The following F11 variants were observed in gnomAD, a reference collection of about 807,000 sequenced individuals.
F11 encodes coagualtion factor XI.
A neutral mutation model predicts 76.5 loss-of-function variants in F11; 78 were observed. The ratio of observed to expected loss-of-function variants is 1.02; its 90% confidence interval spans 0.85 to 1.23. The LOEUF (loss-of-function observed/expected upper bound fraction) is 1.23, where lower values mean the gene tolerates loss of function less well. F11 is among the 50% of genes most tolerant of loss of function. The probability of loss-of-function intolerance (pLI) is 0.00; values close to 1 mark genes in which losing one functional copy is unlikely to be tolerated. For synonymous variants in F11, 278 were observed against 276.3 expected (o/e 1.01, Z -0.06); for missense variants, 742 against 771.4 (o/e 0.96, Z 0.45).
At position 186,285,813 on chromosome 4, in the gene F11, G is replaced by A. The variant is rs763532551; in HGVS notation, c.1480G>A (p.Asp494Asn). The stretch of plus-strand genomic sequence containing the variant: ...ACTGGAAACCACAGTGAATTACACA[G>A]GTACGGAGAATTTTATCCGGAAAGT... ...LKLETTVNYTDSQRPICLPSK... is the reference protein window; with the variant it reads ...LKLETTVNYTNSQRPICLPSK... Residue 494 changes from aspartate (D) to asparagine (N), a missense_variant and splice_region_variant, in exon 12 of 15, where the codon GAT (aspartate) becomes AAT (asparagine). Coordinates refer to ENST00000403665, the MANE Select transcript of F11 (RefSeq NM_000128.4). 6.2e-7 allele frequency: 1 copy of A among 1,614,132 alleles called. No individual in the cohort carries two copies. Among genetic ancestry groups the A allele is most frequent in the Non-Finnish European group, 8.5e-7 (1 of 1,180,014 alleles).
chr4:186,290,464 C>T (rs887107490), downstream of F11, among the ~76,000 whole-genome samples: 1 of 152,122 alleles, frequency 6.6e-6, no homozygotes, highest in African/African-American at 2.4e-5. Context: ...TGCTTATTAC[C>T]TTAGTAGACT....
chr4:186,275,049 C>A, intron 5 of F11: 2 of 349,058 alleles, frequency 5.7e-6, no homozygotes, highest in South Asian at 4.5e-5. Flanking sequence ...AACACACACA[C>A]CAAACCCCTA....
At chr4:186,266,567 T>C (rs1739514263) in intron 1 of F11, among the ~76,000 whole-genome samples, 1 of 152,122 alleles carries the variant, frequency 6.6e-6, no homozygotes, top group Non-Finnish European at 1.5e-5. Context: ...AAATCAGAAG[T>C]CTTGATTTGT....
intron 10 of F11, among the ~76,000 whole-genome samples, 200 bp downstream of exon 10, chr4:186,280,780 A>G (rs1412182956): frequency 1.3e-5 from 2 of 152,124 alleles, no homozygotes; most frequent in Admixed American, 1.3e-4. Context: ...ACTAAACTGT[A>G]CATTGCCTAG....
chr4:186,282,919 A>G (rs1273675445), intron 10 of F11: 1 of 985,308 alleles, frequency 1.0e-6, no homozygotes, highest in East Asian at 1.1e-4. Flanking sequence ...AAAAAGGCCT[A>G]GAAAGGTTGT....
At chr4:186,286,028 T>C (rs1295169762) in intron 12 of F11, 2 of 613,840 alleles carry the variant, frequency 3.3e-6, no homozygotes, top group Non-Finnish European at 2.9e-6. Context: ...GAGATACGTT[T>C]TCCTGAGTCT....
chr4:186,285,833 G>T lies in F11; in HGVS notation c.1480+20G>T. 2 of 1,613,834 alleles carry T rather than the reference G, an allele frequency of 1.2e-6. No homozygotes were observed. The highest frequency in any genetic ancestry group is 1.7e-6 in the Non-Finnish European group (2 of 1,179,742). ...ACACAGGTACGGAGAATTTTATCCG[G>T]AAAGTTGTCTCCAATGGTGAACTGG... is the stretch of plus-strand genomic sequence containing the variant. On this transcript the variant is annotated intron_variant, in intron 12 of 14. Transcript: ENST00000403665.
chr4:186,275,256 C>G (rs759319991), intron 5 of F11: 1 of 446,896 alleles, frequency 2.2e-6, no homozygotes, highest in Non-Finnish European at 4.5e-6. Context: ...TTTGGGAGGC[C>G]GAGGCGGGCA....
chr4:186,280,008 T>A lies in F11; in HGVS notation c.756-4T>A. ...TATTTCTACTTCCCTTTTGTTTTTG[T>A]TAGAAATCTTTGTCTCCTTAAAACA... On this transcript the variant is annotated splice_region_variant and splice_polypyrimidine_tract_variant and intron_variant, in intron 7 of 14. Transcript: ENST00000403665. The A allele has an allele frequency of 6.2e-7, 1 of 1,607,566 alleles. No individual in the cohort carries two copies. Among genetic ancestry groups the A allele is most frequent in the Non-Finnish European group, 8.5e-7 (1 of 1,174,010 alleles).
intron 7 of F11, 129 bp from the exon 8 acceptor site, chr4:186,279,883 T>C: frequency 1.3e-6 from 1 of 757,176 alleles, no homozygotes; most frequent in South Asian, 1.5e-5. Flanking sequence ...TTATGAAGAG[T>C]ACTTTCAAAA....
Position 186,287,666 on chromosome 4 carries a change from CA to C in F11, c.1577-11del, listed in dbSNP as rs776438459. 1.3e-5 allele frequency: 20 copies of C among 1,598,754 alleles called. No homozygotes were observed. Among genetic ancestry groups the C allele is most frequent in the Admixed American group, 3.4e-5 (2 of 59,458 alleles). On this transcript the variant is annotated splice_polypyrimidine_tract_variant and intron_variant, in intron 13 of 14. Coordinates refer to ENST00000403665, the MANE Select transcript of F11 (RefSeq NM_000128.4). ...GTGTATGGTTATTCTACAAACGAAC[CA>C]AAAAAATTTTTTTCAGACAAAATAC...
At chr4:186,287,978 C>G (rs896996653) in intron 14 of F11, among the ~76,000 whole-genome samples, 155 bp downstream of exon 14, 1 of 151,780 alleles carries the variant, frequency 6.6e-6, no homozygotes, top group Non-Finnish European at 1.5e-5. Flanking sequence ...GATCTCAGCT[C>G]ACTGCAAGCT....
intron 4 of F11, among the ~76,000 whole-genome samples, chr4:186,273,883 G>T (rs1280616502): frequency 6.6e-6 from 1 of 152,210 alleles, no homozygotes; most frequent in Non-Finnish European, 1.5e-5. Context: ...GAGAGGCTAG[G>T]TCAGAAAATC....
At chr4:186,267,389 G>C (rs972544837) in intron 2 of F11, among the ~76,000 whole-genome samples, 198 bp downstream of exon 2, 5 of 152,204 alleles carry the variant, frequency 3.3e-5, no homozygotes, top group Non-Finnish European at 5.9e-5. Context: ...GTAGGAATCT[G>C]TGTCTATATG....
chr4:186,284,239 C>T lies in F11; in HGVS notation c.1283C>T (p.Thr428Ile), dbSNP rs1554083516. ...ATCATTGGAAACCAGTGGATATTAA[C>T]AGCCGCTCACTGTTTCTATGGGTCA... is the stretch of plus-strand genomic sequence containing the variant. Reference protein sequence around the residue: ...GSIIGNQWILTAAHCFYGVES... With the variant: ...GSIIGNQWILIAAHCFYGVES... The change falls in exon 11 of 15, where the codon ACA becomes ATA. Residue 428 changes from threonine (T) to isoleucine (I), a missense_variant. Thr to Ile is a moderately conservative substitution (Grantham distance 89). Transcript: ENST00000403665. 4 of 1,614,196 alleles carry T rather than the reference C, an allele frequency of 2.5e-6. No homozygotes were observed. In the South Asian group the frequency reaches 4.4e-5, roughly 18 times the overall value.
Position 186,280,509 on chromosome 4 carries a change from C to A in F11, c.1064C>A (p.Ser355Tyr). 4 of 1,614,178 alleles carry A rather than the reference C, an allele frequency of 2.5e-6. No individual in the cohort carries two copies. The highest frequency in any genetic ancestry group is 3.4e-6 in the Non-Finnish European group (4 of 1,180,034). ...TACTTAAAGCTTTCTTCAAACGGAT[C>A]TCCAACTAAAATACTTCACGGGAGA... ...KCYLKLSSNGSPTKILHGRGG... is the reference protein window; with the variant it reads ...KCYLKLSSNGYPTKILHGRGG... Residue 355 changes from serine to tyrosine, a missense_variant, in exon 10 of 15, where the codon TCT becomes TAT. Ser to Tyr is a moderately radical substitution (Grantham distance 144, BLOSUM62 -2). Transcript: ENST00000403665.
At chr4:186,282,222 G>A (rs1740860290) in intron 10 of F11, 2 of 985,234 alleles carry the variant, frequency 2.0e-6, no homozygotes, top group Non-Finnish European at 2.4e-6. Context: ...CTTCATTATG[G>A]TTTTCTCTGT....
chr4:186,281,868 G>T (rs1468050453), intron 10 of F11: 1 of 1,209,912 alleles, frequency 8.3e-7, no homozygotes. Flanking sequence ...AACTTGTTTT[G>T]TAGAACATAA....
intron 4 of F11, 95 bp downstream of exon 4, chr4:186,273,272 T>G: frequency 1.0e-6 from 1 of 958,464 alleles, no homozygotes; most frequent in Non-Finnish European, 1.7e-6. Context: ...GAAACACTGC[T>G]ATGTGGAAAT....
Sources: gnomAD v4.1 joint callset for allele counts (sites outside exome capture counted in the v4.1 genomes callset) on GRCh38, gnomAD v4.1.1 for gene constraint, MANE v1.5 for transcripts, NCBI Gene and HGNC (gene_info 2026-07-23, HGNC 2026-07-21) for gene names.